TSC2: variants seen among roughly 807,000 people sequenced by gnomAD.
TSC2 encodes TSC complex subunit 2.
In TSC2, 29 loss-of-function variants were observed where a neutral mutation model predicts 202.2. The ratio of observed to expected loss-of-function variants is 0.14; its 90% CI spans 0.11 to 0.20. The LOEUF is 0.20. TSC2 is among the 10% of genes least tolerant of loss of function. The pLI is 1.00. For synonymous variants in TSC2, 1,349 were observed against 1,044.0 expected (o/e 1.29, Z -5.63); for missense variants, 2,429 against 2,420.0 (o/e 1.00, Z -0.08).
At chr16:2,058,962 G>T in intron 10 of TSC2, 89 bp downstream of exon 10, 2 of 1,550,346 alleles carry the variant, frequency 1.3e-6, no homozygotes, top group East Asian at 2.3e-5. Context: ...GTCCTGCTGC[G>T]GGGGCTGCGG....
At chr16:2,071,155 T>C (rs1337146548) in intron 17 of TSC2, among the ~76,000 whole-genome samples, 2 of 152,090 alleles carry the variant, frequency 1.3e-5, no homozygotes, top group Non-Finnish European at 2.9e-5. Flanking sequence ...AGCCTGTCGA[T>C]GGAAGAAGTG....
intron 17 of TSC2, among the ~76,000 whole-genome samples, chr16:2,071,102 A>G (rs976483557): frequency 1.1e-4 from 17 of 152,210 alleles, no homozygotes; most frequent in African/African-American, 3.6e-4. Context: ...CTCCTAGAGC[A>G]GGTGCTCTCT....
At chr16:2,077,390 C>T (rs150536984) in intron 25 of TSC2, 2 of 678,664 alleles carry the variant, frequency 2.9e-6, no homozygotes, top group Non-Finnish European at 5.2e-6. Flanking sequence ...GTCATGTTTA[C>T]CAGACGTATT....
chr16:2,083,452 G>A, intron 32 of TSC2: 1 of 649,734 alleles, frequency 1.5e-6, no homozygotes, highest in East Asian at 2.8e-5. Context: ...ACTAGGGTGG[G>A]CAGAGCCGAT....
At chr16:2,065,688 A>G (rs1168387965) in intron 16 of TSC2, 53 bp downstream of exon 16, 1 of 1,474,058 alleles carries the variant, frequency 6.8e-7, no homozygotes, top group East Asian at 2.3e-5. Flanking sequence ...GCTAGCGTCC[A>G]CCAGCTGCAT....
chr16:2,063,233 G>C, intron 14 of TSC2, 180 bp downstream of exon 14: 1 of 759,260 alleles, frequency 1.3e-6, no homozygotes, highest in African/African-American at 1.7e-5. Context: ...TGCTCGTCCT[G>C]GGTGCCTCTG....
intron 16 of TSC2, among the ~76,000 whole-genome samples, chr16:2,067,164 T>A (rs913303995): frequency 2.0e-4 from 31 of 151,780 alleles, no homozygotes; most frequent in Non-Finnish European, 4.4e-4. Flanking sequence ...TTTTTTTTTT[T>A]AATTAATTTT....
intron 7 of TSC2, 61 bp from the exon 8 acceptor site, chr16:2,056,583 G>A (rs2151075831): frequency 6.3e-7 from 1 of 1,593,688 alleles, no homozygotes; most frequent in Admixed American, 1.7e-5. Flanking sequence ...AAGCCTGGGT[G>A]TCCTCTCCTG....
chr16:2,087,805 G>A lies in TSC2; in HGVS notation c.4990-58G>A, dbSNP rs116828573. 2.3e-3 allele frequency: 3,644 copies of A among 1,593,202 alleles called. 85 individuals are homozygous for A. In the African/African-American group the frequency reaches 0.043, roughly 19 times the overall value. On this transcript the variant is annotated intron_variant, in intron 38 of 41. Coordinates refer to ENST00000219476, the MANE Select transcript of TSC2 (RefSeq NM_000548.5). ...CTAGCAGTGCAACCAGGCAGTAGCCGAGATCAGCCTTCAGCACACGCTGTG... is the reference window on the plus strand; with the variant it reads ...CTAGCAGTGCAACCAGGCAGTAGCCAAGATCAGCCTTCAGCACACGCTGTG...
At chr16:2,083,360 G>A (rs113222717) in intron 32 of TSC2, 185 of 481,564 alleles carry the variant, frequency 3.8e-4, no homozygotes, top group African/African-American at 3.3e-3. Flanking sequence ...TCAGGCTCCC[G>A]CTCTTTTAGA....
intron 9 of TSC2, among the ~76,000 whole-genome samples, chr16:2,057,387 C>A (rs2086004328): frequency 6.6e-6 from 1 of 152,206 alleles, no homozygotes; most frequent in Non-Finnish European, 1.5e-5. Flanking sequence ...AATATCCACA[C>A]CCAGCTCAGT....
At chr16:2,060,361 C>G (rs1176820025) in intron 10 of TSC2, among the ~76,000 whole-genome samples, 3 of 152,180 alleles carry the variant, frequency 2.0e-5, no homozygotes, top group Non-Finnish European at 4.4e-5. Flanking sequence ...AGCTTGCAGC[C>G]GAACTCAGGG....
intron 22 of TSC2, 98 bp downstream of exon 22, chr16:2,074,487 C>A: frequency 6.8e-7 from 1 of 1,470,600 alleles, no homozygotes; most frequent in Non-Finnish European, 9.3e-7. Flanking sequence ...CCTTGGGGAA[C>A]CTGGGTGTCT....
intron 11 of TSC2, 101 bp downstream of exon 11, chr16:2,060,914 G>T (rs1441661903): frequency 5.0e-6 from 7 of 1,410,654 alleles, no homozygotes; most frequent in African/African-American, 2.8e-5. Flanking sequence ...TGGGGGTCCC[G>T]CAGAGACTGC....
At chr16:2,064,598 G>A in intron 15 of TSC2, 171 bp downstream of exon 15, 1 of 968,172 alleles carries the variant, frequency 1.0e-6, no homozygotes, top group Non-Finnish European at 1.5e-6. Flanking sequence ...GCCTGCCACT[G>A]CTGGATTTGT....
intron 17 of TSC2, 88 bp from the exon 18 acceptor site, chr16:2,071,422 G>A: frequency 1.4e-6 from 2 of 1,386,926 alleles, no homozygotes; most frequent in Admixed American, 1.9e-5. Flanking sequence ...TGCCTGTGGT[G>A]CTGGACGTGG....
At chr16:2,062,794 G>C in intron 13 of TSC2, 178 bp from the exon 14 acceptor site, 1 of 893,842 alleles carries the variant, frequency 1.1e-6, no homozygotes, top group East Asian at 2.6e-5. Context: ...TGACGCCACT[G>C]GGCTCCCTCT....
chr16:2,087,106 A>C, intron 38 of TSC2: 1 of 629,330 alleles, frequency 1.6e-6, no homozygotes, highest in Non-Finnish European at 2.7e-6. Flanking sequence ...GCAAGTGCAG[A>C]CTGGGTGTGC....
At chr16:2,057,233 A>T (rs1333122948) in intron 9 of TSC2, 55 bp downstream of exon 9, 2 of 1,545,192 alleles carry the variant, frequency 1.3e-6, no homozygotes, top group Non-Finnish European at 1.8e-6. Context: ...CCCTCGGGGC[A>T]GCTCCAGTGT....
Sources: allele counts gnomAD v4.1 joint callset (sites outside exome capture counted in the v4.1 genomes callset), GRCh38; gene constraint gnomAD v4.1.1; transcripts MANE v1.5; gene names NCBI Gene and HGNC (gene_info 2026-07-23, HGNC 2026-07-21).